PEX5L: variants seen among roughly 807,000 people sequenced by gnomAD.
The protein encoded by PEX5L is PEX5-related protein.
Under a neutral mutation model 84.0 loss-of-function variants are expected in PEX5L, and 30 were observed. The observed-to-expected ratio is 0.36, with a 90% confidence interval of 0.27 to 0.48. PEX5L has a LOEUF of 0.48. Ranked by LOEUF, PEX5L falls within the 20% of genes least tolerant of loss-of-function variation. The pLI is 0.99. For synonymous variants in PEX5L, 270 were observed against 283.1 expected (o/e 0.95, Z 0.46); for missense variants, 533 against 754.6 (o/e 0.71, Z 3.44).
intron 1 of PEX5L, among the ~76,000 whole-genome samples, chr3:180,028,199 C>A (rs1479756658): frequency 6.6e-6 from 1 of 151,060 alleles, no homozygotes; most frequent in Non-Finnish European, 1.5e-5. Flanking sequence ...ACTTTTTACT[C>A]TGGAGATTGC....
intron 8 of PEX5L, among the ~76,000 whole-genome samples, chr3:179,823,110 G>C (rs147178026): frequency 6.6e-6 from 1 of 152,274 alleles, no homozygotes; most frequent in Non-Finnish European, 1.5e-5. Flanking sequence ...GTAGTATTGA[G>C]AAAAATATAG....
chr3:180,028,112 G>C (rs1791129733), intron 1 of PEX5L, among the ~76,000 whole-genome samples: 1 of 152,116 alleles, frequency 6.6e-6, no homozygotes, highest in Non-Finnish European at 1.5e-5. Flanking sequence ...ATGACATTTT[G>C]ATGCTATGTA....
chr3:179,849,066 C>T lies in PEX5L; in HGVS notation c.822+9996G>A, dbSNP rs147988530. 1.4e-4 allele frequency among the ~76,000 whole-genome samples: 21 copies of T among 152,172 alleles called. No homozygotes were observed. The East Asian group carries it at 1.5e-3, about 11-fold the overall frequency. On this transcript the variant is annotated intron_variant, in intron 8 of 14. Coordinates refer to ENST00000467460, the MANE Select transcript of PEX5L (RefSeq NM_016559.3). Reference sequence around the variant, plus strand: ...GCTAGTTTGGGACTTTTATTGCACACGAAAGAAATAAAGTATCTTGTTTGG... The same window carrying T: ...GCTAGTTTGGGACTTTTATTGCACATGAAAGAAATAAAGTATCTTGTTTGG...
chr3:179,946,874 CA>C (rs1777688412), intron 2 of PEX5L, among the ~76,000 whole-genome samples: 1 of 152,150 alleles, frequency 6.6e-6, no homozygotes, highest in South Asian at 2.1e-4. Flanking sequence ...TAAATGGTGT[CA>C]AATAGAGCTG....
chr3:179,864,018 T>C (rs569274467), intron 7 of PEX5L, among the ~76,000 whole-genome samples: 2 of 152,210 alleles, frequency 1.3e-5, no homozygotes, highest in Non-Finnish European at 2.9e-5. Flanking sequence ...CACAAGCTCT[T>C]TCTTTGCCTG....
chr3:179,928,927 G>T (rs1359525022), intron 2 of PEX5L, among the ~76,000 whole-genome samples: 1 of 152,196 alleles, frequency 6.6e-6, no homozygotes, highest in Non-Finnish European at 1.5e-5. Flanking sequence ...TCCTTAGTCT[G>T]ATGACTGAAA....
chr3:179,815,818 A>G (rs763273790), intron 10 of PEX5L, 43 bp downstream of exon 10: 12 of 1,607,944 alleles, frequency 7.5e-6, no homozygotes, highest in Non-Finnish European at 1.0e-5. Flanking sequence ...CCTTGTTAGC[A>G]CATGCCCTTT....
intron 1 of PEX5L, among the ~76,000 whole-genome samples, chr3:179,991,928 C>A (rs1787417122): frequency 1.3e-5 from 2 of 152,182 alleles, no homozygotes; most frequent in Non-Finnish European, 2.9e-5. Flanking sequence ...AATCTAGGCT[C>A]ATTCCTAGTT....
intron 1 of PEX5L, among the ~76,000 whole-genome samples, chr3:179,993,879 C>G (rs1787615052): frequency 6.6e-6 from 1 of 152,174 alleles, no homozygotes; most frequent in African/African-American, 2.4e-5. Context: ...TACAGAAACA[C>G]AGGAAAATAA....
At chr3:179,841,821 G>A (rs540668965) in intron 8 of PEX5L, among the ~76,000 whole-genome samples, 1 of 152,262 alleles carries the variant, frequency 6.6e-6, no homozygotes, top group African/African-American at 2.4e-5. Context: ...TGAAACAGGA[G>A]GTGCCTTCTG....
At chr3:179,839,963 T>G (rs917966349) in intron 8 of PEX5L, among the ~76,000 whole-genome samples, 1 of 151,980 alleles carries the variant, frequency 6.6e-6, no homozygotes, top group Non-Finnish European at 1.5e-5. Flanking sequence ...AACAGCATTC[T>G]AGGCAGAAGA....
At chr3:179,974,271 G>A (rs1785471671) in intron 1 of PEX5L, 2 of 831,102 alleles carry the variant, frequency 2.4e-6, no homozygotes, top group South Asian at 1.1e-4. Flanking sequence ...GAGGGGGCAG[G>A]GCTTCTGTGG....
At chr3:179,986,982 G>A (rs1786914572) in intron 1 of PEX5L, among the ~76,000 whole-genome samples, 1 of 152,188 alleles carries the variant, frequency 6.6e-6, no homozygotes, top group South Asian at 2.1e-4. Flanking sequence ...AATGGAATAA[G>A]TAAGAGGTCA....
intron 8 of PEX5L, among the ~76,000 whole-genome samples, chr3:179,850,279 A>T (rs576855208): frequency 6.6e-6 from 1 of 152,028 alleles, no homozygotes; most frequent in Non-Finnish European, 1.5e-5. Context: ...GGCATGCACC[A>T]TCATGCCTGG....
Position 179,971,640 on chromosome 3 carries a change from T to C in PEX5L, c.47A>G (p.Lys16Arg). 6.2e-7 allele frequency: 1 copy of C among 1,607,866 alleles called. No individual in the cohort carries two copies. Among genetic ancestry groups the C allele is most frequent in the Non-Finnish European group, 8.5e-7 (1 of 1,177,304 alleles). The change falls in exon 2 of 15, where the codon AAA becomes AGA. Residue 16 changes from lysine to arginine, a missense_variant. By Grantham distance (26) the Lys-to-Arg change is conservative. Coordinates refer to ENST00000467460, the MANE Select transcript of PEX5L (RefSeq NM_016559.3). ...MQKSKEQGYG[K>R]LSSDEDLEII... ...TTCGAGGTCTTCATCACTGCTTAGT[T>C]TTCCATATCCTTGTTCTTTACTTTT...
intron 1 of PEX5L, among the ~76,000 whole-genome samples, chr3:180,006,134 T>G (rs1788868327): frequency 6.6e-6 from 1 of 152,228 alleles, no homozygotes. Context: ...CAGGTTGTTC[T>G]GTGCTTCAAC....
At chr3:179,971,909 A>C (rs1429350800) in intron 1 of PEX5L, among the ~76,000 whole-genome samples, 1 of 152,088 alleles carries the variant, frequency 6.6e-6, no homozygotes, top group African/African-American at 2.4e-5. Flanking sequence ...CTTTTTCTCA[A>C]TATTCTTATG....
chr3:179,839,815 T>A (rs965682893), intron 8 of PEX5L, among the ~76,000 whole-genome samples: 8 of 152,232 alleles, frequency 5.3e-5, no homozygotes, highest in African/African-American at 1.9e-4. Flanking sequence ...CACATAGTTA[T>A]TAGCACTGCA....
chr3:179,990,189 T>C (rs1787249265), intron 1 of PEX5L, among the ~76,000 whole-genome samples: 2 of 152,242 alleles, frequency 1.3e-5, no homozygotes, highest in African/African-American at 2.4e-5. Context: ...TTATTTCTAG[T>C]GTCTTCCAGT....
Sources: allele counts gnomAD v4.1 joint callset (sites outside exome capture counted in the v4.1 genomes callset), GRCh38; gene constraint gnomAD v4.1.1; transcripts MANE v1.5; gene names NCBI Gene and HGNC (gene_info 2026-07-23, HGNC 2026-07-21).